TENM2: variants seen among roughly 807,000 people sequenced by gnomAD.
TENM2 encodes the protein teneurin-2.
In TENM2, 52 loss-of-function variants were observed where a neutral mutation model predicts 245.2. The observed-to-expected ratio is 0.21, with a 90% CI of 0.17 to 0.27. The LOEUF (loss-of-function observed/expected upper bound fraction) is 0.27, where lower values mean the gene tolerates loss of function less well. TENM2 is among the 10% of genes least tolerant of loss of function. TENM2 has a pLI of 1.00. For missense variants in TENM2, 3,046 were observed against 3,666.8 expected, an observed-to-expected ratio of 0.83 and a Z score of 4.37; for synonymous variants, 1,363 against 1,438.9, an observed-to-expected ratio of 0.95 and a Z score of 1.19.
intron 2 of TENM2, among the ~76,000 whole-genome samples, chr5:167,648,444 C>A (rs1162800122): frequency 5.3e-5 from 8 of 152,148 alleles, no homozygotes; most frequent in African/African-American, 1.9e-4. Flanking sequence ...ACCACAGTGA[C>A]CCTGTTTGGG....
At chr5:167,986,018 T>A (rs1783221679) in intron 4 of TENM2, among the ~76,000 whole-genome samples, 1 of 152,196 alleles carries the variant, frequency 6.6e-6, no homozygotes, top group Non-Finnish European at 1.5e-5. Flanking sequence ...TGGTGGGGGC[T>A]CTTGTTGCAT....
At chr5:168,004,499 GCACGCA>G (rs1407733917) in intron 5 of TENM2, among the ~76,000 whole-genome samples, 5 of 107,042 alleles carry the variant, frequency 4.7e-5, no homozygotes, top group African/African-American at 8.0e-5. Flanking sequence ...CATTTGGGAT[GCACGCA>G]TGCGCGCGCG....
At chr5:167,216,950 G>A in the TENM2 span, among the ~76,000 whole-genome samples, 18 of 151,708 alleles carry the variant, frequency 1.2e-4, no homozygotes, top group African/African-American at 4.3e-4. Context: ...CACCAGTGAA[G>A]CTTTATGAAA....
rs115142725 is a variant in TENM2 at position 167,400,979 on chromosome 5, G to A, written c.502+25506G>A. On this transcript the variant is annotated intron_variant, in intron 2 of 28. Coordinates refer to ENST00000518659, the Ensembl canonical transcript of TENM2. The stretch of plus-strand genomic sequence containing the variant: ...GGTGGCTCATGCCTGCAATCCTAGC[G>A]TTTTGGGAGGCTGAGGCAGAAGGAT... Among the ~76,000 whole-genome samples, 1,156 of 152,020 alleles carry A rather than the reference G, an allele frequency of 7.6e-3. 13 individuals carry two copies. The highest frequency in any genetic ancestry group is 0.026 in the African/African-American group (1,080 of 41,488).
the TENM2 span, among the ~76,000 whole-genome samples, chr5:167,047,262 A>C: frequency 3.3e-5 from 5 of 152,172 alleles, no homozygotes; most frequent in Admixed American, 3.3e-4. Flanking sequence ...CCTTTCCTGG[A>C]TTCCTTTTCA....
chr5:167,541,777 A>G (rs566124940), intron 2 of TENM2, among the ~76,000 whole-genome samples: 1 of 152,222 alleles, frequency 6.6e-6, no homozygotes, highest in African/African-American at 2.4e-5. Flanking sequence ...AACAATGTGC[A>G]TTAGGAAAAT....
chr5:167,727,846 A>G (rs1385229708), intron 2 of TENM2, among the ~76,000 whole-genome samples: 1 of 152,254 alleles, frequency 6.6e-6, no homozygotes, highest in East Asian at 1.9e-4. Flanking sequence ...ACTCCAGTAC[A>G]AACTCTTTCC....
rs190795417 is a variant in TENM2, at chr5:167,969,253, G to A, written c.947+16431G>A. Among the ~76,000 whole-genome samples the A allele has an allele frequency of 3.0e-3, 454 of 152,238 alleles. 1 individual carries two copies. The highest frequency in any genetic ancestry group is 0.014 in the Middle Eastern group (4 of 294). ...TGCTGGTGGGAGTTAATTTAATCAT[G>A]GGGGCGGGTCTTTCCCATGCTCTTC... On this transcript the variant is annotated intron_variant, in intron 4 of 28. Transcript: ENST00000518659.
At chr5:167,251,828 A>T in the TENM2 span, among the ~76,000 whole-genome samples, 1 of 152,268 alleles carries the variant, frequency 6.6e-6, no homozygotes, top group East Asian at 1.9e-4. Context: ...TGTTGTTCTG[A>T]TACGCAAAAT....
chr5:167,714,237 G>A (rs1240057020), intron 2 of TENM2, among the ~76,000 whole-genome samples: 1 of 152,164 alleles, frequency 6.6e-6, no homozygotes, highest in African/African-American at 2.4e-5. Context: ...TGATTTTCAT[G>A]TTCTAGCACT....
intron 13 of TENM2, among the ~76,000 whole-genome samples, chr5:168,164,634 G>A (rs1027821229): frequency 2.0e-5 from 3 of 152,156 alleles, no homozygotes; most frequent in Non-Finnish European, 4.4e-5. Context: ...TCCTGATGGA[G>A]TGCTAAGATT....
chr5:167,538,965 T>C (rs941282935), intron 2 of TENM2, among the ~76,000 whole-genome samples: 5 of 152,186 alleles, frequency 3.3e-5, no homozygotes, highest in African/African-American at 1.2e-4. Flanking sequence ...CCGATCAGCA[T>C]TATTATAATC....
At chr5:167,212,311 C>T in the TENM2 span, among the ~76,000 whole-genome samples, 4 of 152,122 alleles carry the variant, frequency 2.6e-5, no homozygotes, top group Non-Finnish European at 2.9e-5. Flanking sequence ...CAGCAGCAGC[C>T]GGACCTTTCT....
the TENM2 span, among the ~76,000 whole-genome samples, chr5:166,998,598 T>G: frequency 6.6e-6 from 1 of 152,326 alleles, no homozygotes; most frequent in Admixed American, 6.5e-5. Context: ...ATATCTAGTT[T>G]CTTCTACAAA....
the TENM2 span, among the ~76,000 whole-genome samples, chr5:167,130,882 T>C: frequency 5.4e-5 from 8 of 148,308 alleles, no homozygotes; most frequent in Admixed American, 2.7e-4. Flanking sequence ...CAGCCAGTGT[T>C]AAATGCTTTT....
chr5:167,606,046 C>T (rs569619893), intron 2 of TENM2, among the ~76,000 whole-genome samples: 7 of 152,082 alleles, frequency 4.6e-5, no homozygotes, highest in Non-Finnish European at 7.4e-5. Flanking sequence ...TGTTAGAGCC[C>T]GGACTAAAAC....
At chr5:167,038,562 A>G in the TENM2 span, among the ~76,000 whole-genome samples, 1 of 152,268 alleles carries the variant, frequency 6.6e-6, no homozygotes, top group East Asian at 1.9e-4. Flanking sequence ...TTGTTAACTA[A>G]AAGTCATTTA....
the TENM2 span, among the ~76,000 whole-genome samples, chr5:167,125,108 C>T: frequency 1.3e-5 from 2 of 152,150 alleles, no homozygotes; most frequent in African/African-American, 4.8e-5. Flanking sequence ...GTCCAGCAAA[C>T]TGTGTTTAAA....
At chr5:167,819,166 C>G (rs1037565532) in intron 2 of TENM2, among the ~76,000 whole-genome samples, 1 of 152,178 alleles carries the variant, frequency 6.6e-6, no homozygotes, top group African/African-American at 2.4e-5. Flanking sequence ...GCCCAATTCC[C>G]ATTGCTTTTC....
Sources: allele counts gnomAD v4.1 joint callset (sites outside exome capture counted in the v4.1 genomes callset), GRCh38; gene constraint gnomAD v4.1.1; transcripts MANE v1.5; gene names NCBI Gene and HGNC (gene_info 2026-07-23, HGNC 2026-07-21).